The following CCSER1 variants were observed in gnomAD, a reference collection of about 807,000 sequenced individuals.
The protein encoded by CCSER1 is serine-rich coiled-coil domain-containing protein 1.
A neutral mutation model predicts 82.0 loss-of-function variants in CCSER1; 41 were observed. The ratio of observed to expected loss-of-function variants is 0.50; its 90% CI spans 0.39 to 0.65. CCSER1 has a LOEUF of 0.65. CCSER1 is among the 30% of genes least tolerant of loss of function. The probability of loss-of-function intolerance (pLI) is 0.00; values close to 1 mark genes in which losing one functional copy is unlikely to be tolerated. For missense variants in CCSER1, 1,119 were observed against 1,064.2 expected, an observed-to-expected ratio of 1.05 and a Z score of -0.72; for synonymous variants, 414 against 383.9, an observed-to-expected ratio of 1.08 and a Z score of -0.92.
chr4:91,064,831 C>T (rs1349390339), intron 9 of CCSER1, among the ~76,000 whole-genome samples: 4 of 151,228 alleles, frequency 2.6e-5, no homozygotes, highest in Non-Finnish European at 5.9e-5. Context: ...AGGGACAATA[C>T]GTAGGGGACA....
intron 10 of CCSER1, among the ~76,000 whole-genome samples, chr4:91,285,896 T>G (rs2149210423): frequency 6.6e-6 from 1 of 151,930 alleles, no homozygotes; most frequent in South Asian, 2.1e-4. Context: ...TAAACATTTT[T>G]GTTTCTCCCC....
Position 90,460,383 on chromosome 4 carries a change from A to C in CCSER1, c.1604-7851A>C, listed in dbSNP as rs191019635. The stretch of plus-strand genomic sequence containing the variant: ...AAAAACTGAGATTAAATGGGTCAAA[A>C]ATATGCAATTTCAATTATAATAGAC... On this transcript the variant is annotated intron_variant, in intron 4 of 10. Transcript: ENST00000509176. 8.5e-4 allele frequency among the ~76,000 whole-genome samples: 129 copies of C among 151,054 alleles called. 1 individual carries two copies. The highest frequency in any genetic ancestry group is 2.8e-3 in the African/African-American group (114 of 40,752).
chr4:90,350,261 A>G (rs967488104), intron 3 of CCSER1, among the ~76,000 whole-genome samples: 1 of 152,152 alleles, frequency 6.6e-6, no homozygotes. Flanking sequence ...AAGAGGGTGC[A>G]GGTAAACCCA....
intron 8 of CCSER1, among the ~76,000 whole-genome samples, chr4:90,877,622 A>G (rs1032887061): frequency 2.0e-5 from 3 of 151,606 alleles, no homozygotes; most frequent in African/African-American, 7.3e-5. Context: ...CTGAATAAAA[A>G]CAAATCTATT....
At chr4:90,740,333 T>C (rs1386349854) in intron 7 of CCSER1, among the ~76,000 whole-genome samples, 1 of 152,156 alleles carries the variant, frequency 6.6e-6, no homozygotes, top group Non-Finnish European at 1.5e-5. Flanking sequence ...TATTTGACTA[T>C]TGCAGACAGC....
intron 7 of CCSER1, among the ~76,000 whole-genome samples, chr4:90,732,375 G>A (rs1477444364): frequency 6.6e-6 from 1 of 152,020 alleles, no homozygotes; most frequent in Non-Finnish European, 1.5e-5. Context: ...GATCACACTC[G>A]CCTCTACCAG....
At chr4:91,404,165 T>A (rs1453788595) in intron 10 of CCSER1, among the ~76,000 whole-genome samples, 1 of 152,304 alleles carries the variant, frequency 6.6e-6, no homozygotes, top group South Asian at 2.1e-4. Context: ...TTCTTCTAGA[T>A]TTTCTAGTTT....
intron 9 of CCSER1, among the ~76,000 whole-genome samples, chr4:90,989,051 T>C (rs920649666): frequency 3.5e-4 from 53 of 151,800 alleles, no homozygotes; most frequent in African/African-American, 1.2e-3. Flanking sequence ...ATCCATGACA[T>C]GGGAACATAA....
intron 1 of CCSER1, 81 bp downstream of exon 1, chr4:90,127,912 C>G (rs1038141398): frequency 2.6e-5 from 4 of 151,978 alleles, no homozygotes; most frequent in Admixed American, 6.6e-5. Flanking sequence ...CAGGCGGACG[C>G]GGGGATGACC....
intron 7 of CCSER1, among the ~76,000 whole-genome samples, chr4:90,793,470 G>T (rs559705495): frequency 6.6e-6 from 1 of 151,984 alleles, no homozygotes; most frequent in East Asian, 1.9e-4. Flanking sequence ...GAGGATAATG[G>T]CCTCCATCCA....
chr4:90,905,524 C>T (rs1202087256), intron 8 of CCSER1, among the ~76,000 whole-genome samples: 2 of 152,110 alleles, frequency 1.3e-5, no homozygotes, highest in Non-Finnish European at 2.9e-5. Context: ...CATTTCTTCA[C>T]TAAGGCCCAC....
In CCSER1 at chr4:90,753,017, G is replaced by C. The variant is rs943090358; in HGVS notation, c.2010+29026G>C. Reference sequence around the variant, plus strand: ...TTCCTCAATTATAAGTTCTTAGTTGGACCAAAAGGCAGATTAACAAGAGAA... The same window carrying C: ...TTCCTCAATTATAAGTTCTTAGTTGCACCAAAAGGCAGATTAACAAGAGAA... On this transcript the variant is annotated intron_variant, in intron 7 of 10. Transcript: ENST00000509176. 7.2e-5 allele frequency among the ~76,000 whole-genome samples: 11 copies of C among 152,016 alleles called. No homozygotes were observed. The South Asian group carries it at 2.1e-3, about 29-fold the overall frequency.
chr4:91,429,842 A>G (rs1294389149), intron 10 of CCSER1, among the ~76,000 whole-genome samples: 1 of 151,720 alleles, frequency 6.6e-6, no homozygotes, highest in African/African-American at 2.4e-5. Context: ...TTCCTTTAGC[A>G]TGCTTTAAAA....
intron 5 of CCSER1, among the ~76,000 whole-genome samples, chr4:90,515,775 G>C (rs988831314): frequency 6.6e-6 from 1 of 152,116 alleles, no homozygotes; most frequent in African/African-American, 2.4e-5. Flanking sequence ...ACTTGGTTAA[G>C]GTCACAAATT....
At chr4:90,671,836 T>G (rs1219642482) in intron 6 of CCSER1, among the ~76,000 whole-genome samples, 1 of 152,030 alleles carries the variant, frequency 6.6e-6, no homozygotes, top group African/African-American at 2.4e-5. Flanking sequence ...CAAAATTCCT[T>G]CTTGATCCAT....
chr4:91,157,084 A>C (rs1730893941), intron 10 of CCSER1, among the ~76,000 whole-genome samples: 1 of 151,900 alleles, frequency 6.6e-6, no homozygotes, highest in Non-Finnish European at 1.5e-5. Flanking sequence ...AGTCTTGTGC[A>C]GTTAACCTAA....
chr4:91,440,225 C>T (rs1174987965), intron 10 of CCSER1, among the ~76,000 whole-genome samples: 3 of 152,122 alleles, frequency 2.0e-5, no homozygotes, highest in Non-Finnish European at 4.4e-5. Flanking sequence ...GTAAAACTCT[C>T]CTCAGCAAAC....
chr4:90,724,837 A>G (rs1290881882), intron 7 of CCSER1, among the ~76,000 whole-genome samples: 1 of 151,822 alleles, frequency 6.6e-6, no homozygotes, highest in Non-Finnish European at 1.5e-5. Flanking sequence ...TTTTTCATAT[A>G]AGGAATGTAT....
At chr4:90,386,170 T>C (rs1000035304) in intron 3 of CCSER1, among the ~76,000 whole-genome samples, 1 of 152,156 alleles carries the variant, frequency 6.6e-6, no homozygotes, top group African/African-American at 2.4e-5. Flanking sequence ...CTAAAATTCA[T>C]ATGGAACCAA....
Sources: allele counts gnomAD v4.1 joint callset (sites outside exome capture counted in the v4.1 genomes callset), GRCh38; gene constraint gnomAD v4.1.1; transcripts MANE v1.5; gene names NCBI Gene and HGNC (gene_info 2026-07-23, HGNC 2026-07-21).